Variants in MPHOSPH10 observed in about 807,000 individuals in gnomAD.
MPHOSPH10 encodes the protein U3 small nucleolar ribonucleoprotein MPP10.
MPHOSPH10 carries 33 observed loss-of-function variants against 77.3 expected under a neutral mutation model. The observed-to-expected ratio is 0.43, with a 90% CI of 0.32 to 0.57. MPHOSPH10 has a LOEUF of 0.57. Ranked by LOEUF, MPHOSPH10 falls within the 20% of genes least tolerant of loss-of-function variation. The probability of loss-of-function intolerance (pLI) is 0.07; values close to 1 mark genes in which losing one functional copy is unlikely to be tolerated. For missense variants in MPHOSPH10, 708 were observed against 780.1 expected, an observed-to-expected ratio of 0.91 and a Z score of 1.10; for synonymous variants, 245 against 268.0, an observed-to-expected ratio of 0.91 and a Z score of 0.84.
In MPHOSPH10 at chr2:71,134,099, C is replaced by G; in HGVS notation, c.920C>G (p.Ser307Trp). 6.2e-7 allele frequency: 1 copy of G among 1,603,946 alleles called. No homozygotes were observed. The highest frequency in any genetic ancestry group is 8.5e-7 in the Non-Finnish European group (1 of 1,176,014). ...AEEEAEELSI[S>W]ETDEDDDLQE... ...GAAGAAGCAGAAGAACTAAGTATTTCGGAAACGTGAGTATTTTGAACCATC... is the reference window on the plus strand; with the variant it reads ...GAAGAAGCAGAAGAACTAAGTATTTGGGAAACGTGAGTATTTTGAACCATC... Residue 307 changes from serine (S) to tryptophan (W), a missense_variant, in exon 3 of 11, where the codon TCG becomes TGG. By Grantham distance (177) the Ser-to-Trp change is radical (BLOSUM62 -3). Transcript: ENST00000244230.
At chr2:71,139,594 C>G (rs1049127518) in intron 5 of MPHOSPH10, among the ~76,000 whole-genome samples, 1 of 152,216 alleles carries the variant, frequency 6.6e-6, no homozygotes, top group African/African-American at 2.4e-5. Flanking sequence ...TTTCAAACTT[C>G]AGGGAGCATC....
At chr2:71,132,841 A>T in intron 1 of MPHOSPH10, 57 bp from the exon 2 acceptor site, 1 of 1,503,178 alleles carries the variant, frequency 6.7e-7, no homozygotes, top group African/African-American at 1.4e-5. Context: ...ATTTTTATTA[A>T]GAGTGCTGTG....
intron 7 of MPHOSPH10, among the ~76,000 whole-genome samples, chr2:71,143,440 G>C (rs1405016943): frequency 6.6e-6 from 1 of 152,014 alleles, no homozygotes; most frequent in Non-Finnish European, 1.5e-5. Flanking sequence ...CAGCCACCAT[G>C]CTGGGCCATT....
intron 7 of MPHOSPH10, among the ~76,000 whole-genome samples, chr2:71,141,656 T>G (rs975890109): frequency 6.6e-6 from 1 of 152,234 alleles, no homozygotes; most frequent in African/African-American, 2.4e-5. Flanking sequence ...CATTTCTCAT[T>G]GATATTTTGA....
chr2:71,139,069 A>G (rs574449979), intron 5 of MPHOSPH10: 158 of 318,762 alleles, frequency 5.0e-4, no homozygotes, highest in Non-Finnish European at 8.4e-4. Flanking sequence ...TTATAAACAC[A>G]GAAGAGTTGA....
chr2:71,147,464 G>C (rs918788552), intron 8 of MPHOSPH10, among the ~76,000 whole-genome samples: 1 of 152,132 alleles, frequency 6.6e-6, no homozygotes, highest in Non-Finnish European at 1.5e-5. Flanking sequence ...ACGAGGTCAG[G>C]AGATCCAGAT....
chr2:71,148,274 GTC>G (rs1673756035), intron 9 of MPHOSPH10, 168 bp downstream of exon 9: 2 of 579,876 alleles, frequency 3.4e-6, no homozygotes, highest in South Asian at 4.5e-5. Flanking sequence ...TCAAATACCA[GTC>G]TCCTATATTC....
At chr2:71,132,217 C>T (rs1052407907) in intron 1 of MPHOSPH10, among the ~76,000 whole-genome samples, 4 of 152,192 alleles carry the variant, frequency 2.6e-5, no homozygotes, top group Non-Finnish European at 5.9e-5. Flanking sequence ...TACTTTCCTC[C>T]TCCTCCCTCG....
chr2:71,142,233 C>T (rs1464316823), intron 7 of MPHOSPH10, among the ~76,000 whole-genome samples: 3 of 152,122 alleles, frequency 2.0e-5, no homozygotes, highest in African/African-American at 7.2e-5. Flanking sequence ...TTAATGAATG[C>T]CCCTCAGTTA....
rs576182701 is a variant in MPHOSPH10, at chr2:71,132,823, T to G, written c.90-75T>G. On this transcript the variant is annotated intron_variant, in intron 1 of 10. Coordinates refer to ENST00000244230, the MANE Select transcript of MPHOSPH10 (RefSeq NM_005791.3). ...AATTTTATTTTACAAAAGAGTTGGG[T>G]TTTTTTTATTTTTATTAAGAGTGCT... 1.2e-5 allele frequency: 18 copies of G among 1,455,854 alleles called. No homozygotes were observed. The Middle Eastern group carries it at 1.0e-3, about 82-fold the overall frequency. The allele number at this position is 1,455,854 out of a possible 1,614,324, so 90.2% of individuals were successfully genotyped here.
At chr2:71,145,395 G>A (rs988448325) in intron 8 of MPHOSPH10, among the ~76,000 whole-genome samples, 1 of 152,132 alleles carries the variant, frequency 6.6e-6, no homozygotes, top group African/African-American at 2.4e-5. Context: ...GTACCGAAGA[G>A]CTAATCTCCA....
chr2:71,145,982 C>T (rs1213478808), intron 8 of MPHOSPH10, among the ~76,000 whole-genome samples: 1 of 152,234 alleles, frequency 6.6e-6, no homozygotes. Flanking sequence ...CACCACTTGG[C>T]TCCTTTTCCT....
At chr2:71,145,473 G>T (rs572204569) in intron 8 of MPHOSPH10, among the ~76,000 whole-genome samples, 1 of 150,898 alleles carries the variant, frequency 6.6e-6, no homozygotes, top group African/African-American at 2.4e-5. Flanking sequence ...CAGACAGTAA[G>T]CTTTTTTAAC....
At chr2:71,138,916 C>A (rs1673555230) in intron 5 of MPHOSPH10, 1 of 591,598 alleles carries the variant, frequency 1.7e-6, no homozygotes, top group Admixed American at 2.9e-5. Context: ...ATTTCAGAAT[C>A]CCATCTACTC....
intron 5 of MPHOSPH10, 38 bp from the exon 6 acceptor site, chr2:71,139,757 G>A (rs770603950): frequency 1.6e-5 from 23 of 1,448,336 alleles, no homozygotes; most frequent in Non-Finnish European, 2.1e-5. Context: ...TGGTCTAGTG[G>A]ATATCTACCT....
intron 7 of MPHOSPH10, among the ~76,000 whole-genome samples, chr2:71,143,972 A>G (rs1009015838): frequency 2.0e-5 from 3 of 152,160 alleles, no homozygotes; most frequent in African/African-American, 7.2e-5. Flanking sequence ...GCTGGGTCAG[A>G]TGGTAATTCT....
intron 7 of MPHOSPH10, among the ~76,000 whole-genome samples, chr2:71,142,578 A>G (rs1253489080): frequency 1.3e-5 from 2 of 152,242 alleles, no homozygotes; most frequent in South Asian, 2.1e-4. Context: ...TAAACAGCAC[A>G]TGTAGGACCC....
At chr2:71,147,614 A>T (rs957956994) in intron 8 of MPHOSPH10, among the ~76,000 whole-genome samples, 1 of 152,082 alleles carries the variant, frequency 6.6e-6, no homozygotes, top group Admixed American at 6.5e-5. Flanking sequence ...GGGAGCTTGC[A>T]GTGAGCCGAG....
chr2:71,144,642 T>C (rs940811489), intron 8 of MPHOSPH10, 104 bp downstream of exon 8: 3 of 850,606 alleles, frequency 3.5e-6, no homozygotes, highest in Admixed American at 2.6e-5. Flanking sequence ...TACAAACTTG[T>C]AGTTTGCTGT....
Sources: gnomAD v4.1 joint callset for allele counts (sites outside exome capture counted in the v4.1 genomes callset) on GRCh38, gnomAD v4.1.1 for gene constraint, MANE v1.5 for transcripts, NCBI Gene and HGNC (gene_info 2026-07-23, HGNC 2026-07-21) for gene names.